The following MET variants were observed in gnomAD, a reference collection of about 807,000 sequenced individuals.
MET encodes the protein hepatocyte growth factor receptor.
A neutral mutation model predicts 133.1 loss-of-function variants in MET; 48 were observed. The ratio of observed to expected loss-of-function variants is 0.36; its 90% CI spans 0.29 to 0.46. The LOEUF (loss-of-function observed/expected upper bound fraction) is 0.46, where lower values mean the gene tolerates loss of function less well. Among genes scored for constraint, MET ranks in the 20% least tolerant of loss-of-function variants. The probability of loss-of-function intolerance (pLI) is 1.00; values close to 1 mark genes in which losing one functional copy is unlikely to be tolerated. For synonymous variants in MET, 628 were observed against 616.5 expected, an observed-to-expected ratio of 1.02 and a Z score of -0.28; for missense variants, 1,442 against 1,695.9, an observed-to-expected ratio of 0.85 and a Z score of 2.63.
intron 2 of MET, among the ~76,000 whole-genome samples, chr7:116,728,346 A>G (rs902715676): frequency 7.9e-5 from 12 of 152,208 alleles, no homozygotes; most frequent in Non-Finnish European, 1.8e-4. Flanking sequence ...TTAGTTCTTG[A>G]GGAGATACTA....
intron 1 of MET, among the ~76,000 whole-genome samples, chr7:116,697,553 G>T (rs1797006556): frequency 6.6e-6 from 1 of 152,144 alleles, no homozygotes; most frequent in African/African-American, 2.4e-5. Context: ...AAAAATTTTG[G>T]ACGCAAATTT....
At chr7:116,789,080 A>G (rs1402529434) in intron 19 of MET, among the ~76,000 whole-genome samples, 2 of 152,168 alleles carry the variant, frequency 1.3e-5, no homozygotes, top group Admixed American at 6.5e-5. Context: ...ACATTATTGT[A>G]ACCCTCATTT....
chr7:116,705,774 A>G (rs996122563), intron 2 of MET, among the ~76,000 whole-genome samples: 3 of 152,106 alleles, frequency 2.0e-5, no homozygotes, highest in African/African-American at 7.2e-5. Flanking sequence ...ATCCTCTCAT[A>G]GGCTCAGGGA....
intron 2 of MET, among the ~76,000 whole-genome samples, chr7:116,718,688 T>C (rs1792345500): frequency 7.2e-6 from 1 of 138,512 alleles, no homozygotes; most frequent in South Asian, 2.4e-4. Context: ...TTCCCCTTCC[T>C]GTGTTCATGT....
At chr7:116,729,787 A>G (rs969685999) in intron 2 of MET, among the ~76,000 whole-genome samples, 1 of 152,154 alleles carries the variant, frequency 6.6e-6, no homozygotes, top group African/African-American at 2.4e-5. Context: ...AACTTCCCCA[A>G]TTTCTGGAAA....
At position 116,763,440 on chromosome 7, in the gene MET, G is replaced by C. The variant is rs932898933; in HGVS notation, c.2583+172G>C. The C allele has an allele frequency of 4.6e-6, 3 of 654,048 alleles. No individual in the cohort carries two copies. In the East Asian group the frequency reaches 8.4e-5, roughly 18 times the overall value. The allele number at this position is 654,048 out of a possible 1,614,324, so 40.5% of individuals were successfully genotyped here. ...ATAAAACTAAAAGATAAGAATAACCGTGGACTGCATTTTAATGAAGCATTA... is the reference window on the plus strand; with the variant it reads ...ATAAAACTAAAAGATAAGAATAACCCTGGACTGCATTTTAATGAAGCATTA... On this transcript the variant is annotated intron_variant, in intron 11 of 20. Coordinates refer to ENST00000397752, the MANE Select transcript of MET (RefSeq NM_000245.4).
At chr7:116,767,733 T>A (rs1355332286) in intron 11 of MET, among the ~76,000 whole-genome samples, 1 of 151,392 alleles carries the variant, frequency 6.6e-6, no homozygotes, top group East Asian at 1.9e-4. Context: ...TGACTTTTAT[T>A]TAATAATAGT....
At chr7:116,755,029 A>AAAGAAAGAAAGAAAGAAAGG in intron 5 of MET, among the ~76,000 whole-genome samples, 1 of 151,606 alleles carries the variant, frequency 6.6e-6, no homozygotes, top group Non-Finnish European at 1.5e-5. Context: ...AGAAAGAAAG[A>AAAGAAAGAAAGAAAGAAAGG]AAGAAAGAAA....
intron 1 of MET, among the ~76,000 whole-genome samples, chr7:116,686,468 AC>A (rs1461326800): frequency 6.6e-6 from 1 of 152,188 alleles, no homozygotes; most frequent in East Asian, 1.9e-4. Context: ...CCTGTAACAC[AC>A]ATCAACTTCT....
chr7:116,785,187 G>A (rs1176486564), intron 19 of MET, among the ~76,000 whole-genome samples: 1 of 152,222 alleles, frequency 6.6e-6, no homozygotes, highest in Admixed American at 6.5e-5. Context: ...CAGCCCCATG[G>A]CTGCTTTCAT....
intron 17 of MET, among the ~76,000 whole-genome samples, chr7:116,780,051 C>A (rs1473797220): frequency 2.0e-5 from 3 of 152,202 alleles, no homozygotes; most frequent in Admixed American, 2.0e-4. Flanking sequence ...ACTGCTGTGG[C>A]TCCAACACCT....
rs2117030004 is a variant in MET, at chr7:116,774,923, T to C, written c.3071T>C (p.Val1024Ala). The C allele has an allele frequency of 1.9e-6, 3 of 1,614,176 alleles. No homozygotes were observed. The highest frequency in any genetic ancestry group is 2.5e-6 in the Non-Finnish European group (3 of 1,179,988). Reference protein sequence around the residue: ...NSSQNGSCRQVQYPLTDMSPI... With the variant: ...NSSQNGSCRQAQYPLTDMSPI... Reference sequence around the variant, plus strand: ...TCTCAGAACGGTTCATGCCGACAAGTGCAGTATCCTCTGACAGACATGTCC... The same window carrying C: ...TCTCAGAACGGTTCATGCCGACAAGCGCAGTATCCTCTGACAGACATGTCC... The change falls in exon 15 of 21, where the codon GTG (valine) becomes GCG (alanine). Residue 1024 changes from valine to alanine, a missense_variant. Physicochemically the swap from Val to Ala is moderately conservative, Grantham distance 64. Transcript: ENST00000397752.
At chr7:116,734,171 C>T (rs1793125908) in intron 3 of MET, among the ~76,000 whole-genome samples, 1 of 152,204 alleles carries the variant, frequency 6.6e-6, no homozygotes, top group Non-Finnish European at 1.5e-5. Flanking sequence ...TGAGTTTCTA[C>T]AACTCGTGTT....
intron 1 of MET, among the ~76,000 whole-genome samples, chr7:116,674,848 G>T (rs1047105967): frequency 6.6e-6 from 1 of 152,140 alleles, no homozygotes; most frequent in Non-Finnish European, 1.5e-5. Flanking sequence ...AGTGATTCTC[G>T]CCAGAGCCAT....
intron 2 of MET, chr7:116,724,872 G>T: frequency 7.0e-6 from 9 of 1,284,338 alleles, no homozygotes; most frequent in Non-Finnish European, 9.1e-6. Flanking sequence ...CAGTGCCTCA[G>T]TTTCCTTCTA....
At position 116,685,432 on chromosome 7, in the gene MET, C is replaced by A. The variant is rs549622055; in HGVS notation, c.-15+12855C>A. Among the ~76,000 whole-genome samples, 29 of 152,280 alleles carry A rather than the reference C, an allele frequency of 1.9e-4. No individual in the cohort carries two copies. The East Asian group carries it at 5.4e-3, about 28-fold the overall frequency. ...GTGGCTCATGCCTGTAATCCCAGCACTTTGGGAGGCTGAGGCGGGTGGATA... is the reference window on the plus strand; with the variant it reads ...GTGGCTCATGCCTGTAATCCCAGCAATTTGGGAGGCTGAGGCGGGTGGATA... On this transcript the variant is annotated intron_variant, in intron 1 of 20. Coordinates refer to ENST00000397752, the MANE Select transcript of MET (RefSeq NM_000245.4).
At chr7:116,678,241 A>C (rs1011298601) in intron 1 of MET, among the ~76,000 whole-genome samples, 3 of 152,170 alleles carry the variant, frequency 2.0e-5, no homozygotes, top group African/African-American at 7.2e-5. Context: ...CTGTGTTAGA[A>C]AGGGAGATTA....
At position 116,741,067 on chromosome 7, in the gene MET, G is replaced by GTTT. The variant is rs112241458; in HGVS notation, c.1701+56_1701+58dup. ...GCTGGCATACATGTTTTTGTTTGGT[G>GTTT]TTTTTTTTTTTTTTTTGGTTTGGTT... On this transcript the variant is annotated intron_variant, in intron 5 of 20. Transcript: ENST00000397752. 2.3e-4 allele frequency: 314 copies of GTTT among 1,348,338 alleles called. No homozygotes were observed. Among genetic ancestry groups the GTTT allele is most frequent in the Admixed American group, 1.4e-3 (64 of 45,782 alleles). The allele number at this position is 1,348,338 out of a possible 1,614,324, so 83.5% of individuals were successfully genotyped here.
chr7:116,792,880 T>C (rs1795552705), intron 19 of MET, among the ~76,000 whole-genome samples: 1 of 152,194 alleles, frequency 6.6e-6, no homozygotes, highest in Non-Finnish European at 1.5e-5. Context: ...CCAAGTACAA[T>C]CCATTATAAG....
Sources: allele counts gnomAD v4.1 joint callset (sites outside exome capture counted in the v4.1 genomes callset), GRCh38; gene constraint gnomAD v4.1.1; transcripts MANE v1.5; gene names NCBI Gene and HGNC (gene_info 2026-07-23, HGNC 2026-07-21).